TMOD1: variants seen among roughly 807,000 people sequenced by gnomAD.
The protein encoded by TMOD1 is tropomodulin 1.
TMOD1 carries 17 observed loss-of-function variants against 40.6 expected under a neutral mutation model. The ratio of observed to expected loss-of-function variants is 0.42; its 90% CI spans 0.29 to 0.63. The LOEUF (loss-of-function observed/expected upper bound fraction) is 0.63, where lower values mean the gene tolerates loss of function less well. TMOD1 is among the 20% of genes least tolerant of loss of function. The pLI is 0.22. For missense variants in TMOD1, 391 were observed against 447.6 expected (o/e 0.87, Z 1.14); for synonymous variants, 181 against 175.0 (o/e 1.03, Z -0.27).
chr9:97,574,935 G>A (rs1830898247), intron 8 of TMOD1, among the ~76,000 whole-genome samples: 1 of 152,170 alleles, frequency 6.6e-6, no homozygotes, highest in African/African-American at 2.4e-5. Context: ...AGACCAACCA[G>A]CTCTCTATAA....
intron 8 of TMOD1, among the ~76,000 whole-genome samples, chr9:97,584,856 G>A (rs1000828846): frequency 3.2e-4 from 48 of 152,106 alleles, no homozygotes; most frequent in Non-Finnish European, 6.8e-4. Context: ...CCATTTGCTT[G>A]GTAGATCTTC....
At position 97,560,531 on chromosome 9, in the gene TMOD1, C is replaced by T. The variant is rs150968477; in HGVS notation, c.398-2201C>T. Among the ~76,000 whole-genome samples, 492 of 152,106 alleles carry T rather than the reference C, an allele frequency of 3.2e-3. 19 individuals carry two copies. The East Asian group carries it at 0.062, about 19-fold the overall frequency. On this transcript the variant is annotated intron_variant, in intron 4 of 9. Coordinates refer to ENST00000259365, the MANE Select transcript of TMOD1 (RefSeq NM_003275.4). ...GGGCGAGGTGGCTCACGCCTGCAAT[C>T]CCAGCACTTTGGGAGGTCAAGGTGG...
At chr9:97,525,571 C>T (rs1235791169) in intron 2 of TMOD1, among the ~76,000 whole-genome samples, 1 of 152,224 alleles carries the variant, frequency 6.6e-6, no homozygotes, top group African/African-American at 2.4e-5. Context: ...TCTGAAAGGC[C>T]TAGGCCATTA....
rs1245199840 is a variant in TMOD1 at position 97,600,899 on chromosome 9, G to A, written c.*1201G>A. 8.6e-7 allele frequency: 1 copy of A among 1,156,380 alleles called. No homozygotes were observed. The highest frequency in any genetic ancestry group is 1.6e-5 in the African/African-American group (1 of 61,460). 71.6% of individuals were successfully genotyped at this position (1,156,380 alleles called of 1,614,324 possible). ...TGCCTTTTAATATACCACAGTGCCA[G>A]TTAAACTAATATTTTTGTTTGTTGC... On this transcript the variant is annotated 3_prime_UTR_variant, in exon 10 of 10. Transcript: ENST00000259365.
chr9:97,570,859 A>C lies in TMOD1; in HGVS notation c.870+1822A>C, dbSNP rs557793630. On this transcript the variant is annotated intron_variant, in intron 8 of 9. Transcript: ENST00000259365. The stretch of plus-strand genomic sequence containing the variant: ...TGTGCCTCAGTATGGGGCTTTGTTC[A>C]CCCAGAGAGGGCACTTTTTTCTAAT... Among the ~76,000 whole-genome samples the C allele has an allele frequency of 1.2e-3, 186 of 152,304 alleles. 1 individual carries two copies. Among genetic ancestry groups the C allele is most frequent in the African/African-American group, 4.3e-3 (179 of 41,572 alleles).
At chr9:97,567,949 A>G (rs1830757415) in intron 7 of TMOD1, among the ~76,000 whole-genome samples, 1 of 152,112 alleles carries the variant, frequency 6.6e-6, no homozygotes, top group South Asian at 2.1e-4. Context: ...TTTTCCCTCC[A>G]TGACGCATCG....
chr9:97,539,016 A>C (rs1205948072), intron 2 of TMOD1, among the ~76,000 whole-genome samples: 2 of 143,360 alleles, frequency 1.4e-5, no homozygotes, highest in Non-Finnish European at 2.9e-5. Context: ...AAAACAAAAC[A>C]AAACAAAACA....
chr9:97,553,336 G>A lies in TMOD1; in HGVS notation c.333G>A (p.Thr111=), dbSNP rs141990709. 24 of 1,614,196 alleles carry A rather than the reference G, an allele frequency of 1.5e-5. No individual in the cohort carries two copies. In the Admixed American group the frequency reaches 3.5e-4, roughly 24 times the overall value. The change falls in exon 4 of 10, where the codon ACG becomes ACA. Residue 111 remains threonine (T), a synonymous_variant. Transcript: ENST00000259365. ...TGGATCCTGTGCTGGAAAGTGTGAC[G>A]CTGGAACCGGAGCTGGAGGAAGCCT... The part of the protein sequence containing the change: ...KPLDPVLESV[T]LEPELEEALA...
At chr9:97,524,891 T>C (rs1409269958) in intron 2 of TMOD1, among the ~76,000 whole-genome samples, 1 of 151,970 alleles carries the variant, frequency 6.6e-6, no homozygotes, top group Non-Finnish European at 1.5e-5. Flanking sequence ...TAATCTGTGT[T>C]ACTCAGTCTA....
chr9:97,561,440 C>T (rs914244051), intron 4 of TMOD1, among the ~76,000 whole-genome samples: 1 of 152,190 alleles, frequency 6.6e-6, no homozygotes, highest in African/African-American at 2.4e-5. Flanking sequence ...CTGAGCTCCA[C>T]CCCCAGATAT....
chr9:97,506,466 C>G (rs1429299539), intron 1 of TMOD1, among the ~76,000 whole-genome samples: 1 of 152,176 alleles, frequency 6.6e-6, no homozygotes. Context: ...CTGTGATAAC[C>G]AGGACAGTCA....
intron 8 of TMOD1, among the ~76,000 whole-genome samples, chr9:97,572,246 C>T (rs1000620564): frequency 3.9e-5 from 6 of 152,100 alleles, no homozygotes; most frequent in Non-Finnish European, 7.4e-5. Context: ...AGCCATGGAG[C>T]CCATCCACAC....
At chr9:97,598,495 T>C (rs907608975) in intron 9 of TMOD1, among the ~76,000 whole-genome samples, 9 of 152,226 alleles carry the variant, frequency 5.9e-5, no homozygotes, top group African/African-American at 1.7e-4. Flanking sequence ...AGGATGGCCC[T>C]GGTGGGCATG....
chr9:97,543,649 G>T (rs1830309233), intron 2 of TMOD1, among the ~76,000 whole-genome samples: 1 of 152,214 alleles, frequency 6.6e-6, no homozygotes, highest in Admixed American at 6.5e-5. Flanking sequence ...CTGATGTAGG[G>T]TCAACTGTGA....
intron 1 of TMOD1, among the ~76,000 whole-genome samples, chr9:97,507,019 C>T (rs969417750): frequency 6.6e-6 from 1 of 152,224 alleles, no homozygotes; most frequent in African/African-American, 2.4e-5. Context: ...CTAGTATCTA[C>T]AAACCACCAC....
intron 1 of TMOD1, among the ~76,000 whole-genome samples, chr9:97,508,628 T>C (rs574891571): frequency 1.1e-3 from 160 of 152,304 alleles, no homozygotes; most frequent in African/African-American, 3.5e-3. Context: ...TATGGGAAGG[T>C]GGCAGCATGG....
chr9:97,547,090 C>T (rs1212445507), intron 3 of TMOD1, among the ~76,000 whole-genome samples: 7 of 152,126 alleles, frequency 4.6e-5, no homozygotes, highest in African/African-American at 9.7e-5. Flanking sequence ...TCCCTTCCTT[C>T]GTCTGTCCCA....
At chr9:97,580,997 CT>C (rs1243395214) in intron 8 of TMOD1, among the ~76,000 whole-genome samples, 27 of 36,850 alleles carry the variant, frequency 7.3e-4, no homozygotes, top group East Asian at 2.8e-3. Flanking sequence ...TTTCTTTTTT[CT>C]TTTTTTTTAT....
At chr9:97,599,298 T>TAA (rs780959081) in intron 9 of TMOD1, among the ~76,000 whole-genome samples, 1 of 152,288 alleles carries the variant, frequency 6.6e-6, no homozygotes, top group Non-Finnish European at 1.5e-5. Context: ...GAAGACTGAC[T>TAA]AAACTTTTAA....
Sources: gnomAD v4.1 joint callset for allele counts (sites outside exome capture counted in the v4.1 genomes callset) on GRCh38, gnomAD v4.1.1 for gene constraint, MANE v1.5 for transcripts, NCBI Gene and HGNC (gene_info 2026-07-23, HGNC 2026-07-21) for gene names.